Variants in DAPK2 observed in about 807,000 individuals in gnomAD.
The protein encoded by DAPK2 is death associated protein kinase 2, also known as death-associated protein kinase 2.
In DAPK2, 35 loss-of-function variants were observed where a neutral mutation model predicts 44.1. That is an observed-to-expected ratio of 0.79 (90% CI 0.61 to 1.05). The LOEUF (loss-of-function observed/expected upper bound fraction) is 1.05. Among genes scored for constraint, DAPK2 ranks in the 50% least tolerant of loss-of-function variants. DAPK2 has a pLI of 0.00. For synonymous variants in DAPK2, 174 were observed against 182.6 expected, an observed-to-expected ratio of 0.95 and a Z score of 0.38; for missense variants, 453 against 483.2, an observed-to-expected ratio of 0.94 and a Z score of 0.59.
intron 1 of DAPK2, among the ~76,000 whole-genome samples, chr15:64,009,912 AG>A (rs1324405902): frequency 2.0e-5 from 3 of 152,208 alleles, no homozygotes; most frequent in African/African-American, 7.2e-5. Context: ...AGTCATGATG[AG>A]TAACGACAAA....
chr15:63,970,358 C>T (rs2078178118), intron 3 of DAPK2, among the ~76,000 whole-genome samples: 1 of 152,154 alleles, frequency 6.6e-6, no homozygotes, highest in Non-Finnish European at 1.5e-5. Context: ...GCTGGCCTTT[C>T]TTCCTTATAA....
At chr15:63,986,668 C>T (rs895647361) in intron 1 of DAPK2, among the ~76,000 whole-genome samples, 8 of 152,162 alleles carry the variant, frequency 5.3e-5, no homozygotes, top group Admixed American at 1.3e-4. Flanking sequence ...AGCTCTATTC[C>T]GAGCAAGTAG....
In DAPK2 at chr15:63,939,379, GAAA is replaced by G. The variant is rs760256945; in HGVS notation, c.454-21_454-19del. The G allele has an allele frequency of 1.1e-5, 11 of 990,592 alleles. No homozygotes were observed. Among genetic ancestry groups the G allele is most frequent in the Non-Finnish European group, 1.3e-5 (10 of 749,474 alleles). The allele number at this position is 990,592 out of a possible 1,614,324, so 61.4% of individuals were successfully genotyped here. On this transcript the variant is annotated intron_variant, in intron 3 of 10. Coordinates refer to ENST00000261891, the Ensembl canonical transcript of DAPK2. The surrounding 1 kb of genome is among the most constrained non-coding windows in gnomAD (Gnocchi z 4.3). ...TTTTCTGGCTGGACAACAAAAAGTA[GAAA>G]AAAAAAAAAGGAAGGAAGAAAAGAA...
intron 1 of DAPK2, among the ~76,000 whole-genome samples, chr15:63,985,997 G>A (rs2078657990): frequency 6.6e-6 from 1 of 152,232 alleles, no homozygotes; most frequent in African/African-American, 2.4e-5. Context: ...TTTTGAGAGT[G>A]GGTGACTACG....
exon 1 of DAPK2, chr15:64,040,236 G>C: frequency 1.2e-6 from 2 of 1,613,912 alleles, no homozygotes; most frequent in Non-Finnish European, 1.7e-6. Flanking sequence ...CTCCATGTTT[G>C]GACTCCTCAT....
chr15:63,992,894 G>A (rs1241333402), intron 1 of DAPK2, among the ~76,000 whole-genome samples: 3 of 152,210 alleles, frequency 2.0e-5, no homozygotes, highest in Non-Finnish European at 4.4e-5. Context: ...CATAGCCTGG[G>A]CAAAGCCCAG....
At chr15:64,042,041 G>A (rs531791484), upstream of DAPK2, among the ~76,000 whole-genome samples, 6 of 152,258 alleles carry the variant, frequency 3.9e-5, no homozygotes, top group South Asian at 4.1e-4. The surrounding 1 kb of genome is among the most constrained non-coding windows in gnomAD (Gnocchi z 4.7). Context: ...CCAGACTAGC[G>A]TGAGTGTATA....
chr15:63,940,439 G>A (rs925450579), intron 3 of DAPK2, among the ~76,000 whole-genome samples: 1 of 152,034 alleles, frequency 6.6e-6, no homozygotes, highest in Admixed American at 6.6e-5. Context: ...TGCTGGGCGC[G>A]GTGGCTCATG....
At position 63,983,668 on chromosome 15, in the gene DAPK2, C is replaced by T. The variant is rs145090475; in HGVS notation, c.179G>A (p.Arg60Gln). 5.7e-3 allele frequency: 9,224 copies of T among 1,613,914 alleles called. 27 individuals carry two copies. Among genetic ancestry groups the T allele is most frequent in the Non-Finnish European group, 7.4e-3 (8,724 of 1,180,026 alleles). Residue 60 changes from arginine to glutamine, a missense_variant, in exon 2 of 11, where the codon CGG becomes CAG. Physicochemically the swap from Arg to Gln is conservative, Grantham distance 43. Coordinates refer to ENST00000261891, the Ensembl canonical transcript of DAPK2. ...CCGGCTCACACCGCGCCGGCTCGCC[C>T]GGCTCTGCCGCTTCTTGATGAACTT...
At chr15:63,921,710 A>G (rs1391872623) in intron 8 of DAPK2, 2 of 152,274 alleles carry the variant, frequency 1.3e-5, no homozygotes, top group African/African-American at 2.4e-5. Context: ...CTAGGTACAT[A>G]AGAAAAGGAA....
intron 1 of DAPK2, among the ~76,000 whole-genome samples, chr15:64,021,623 A>G (rs979059777): frequency 6.6e-6 from 1 of 152,206 alleles, no homozygotes; most frequent in Non-Finnish European, 1.5e-5. Flanking sequence ...TGGGCTCACA[A>G]TCTGGCTTGA....
At chr15:64,041,657 A>G (rs2080355974), upstream of DAPK2, among the ~76,000 whole-genome samples, 1 of 152,128 alleles carries the variant, frequency 6.6e-6, no homozygotes, top group South Asian at 2.1e-4. Context: ...CCAACCACAC[A>G]TGGGCTCCAC....
Position 63,926,223 on chromosome 15 carries a change from C to G in DAPK2, c.660-130G>C, listed in dbSNP as rs539613111. ...GGCTCCCAGCAACACAGCCTGCCCCCTCTGGGCAGCCAACCAGCAGCCTGT... is the reference window on the plus strand; with the variant it reads ...GGCTCCCAGCAACACAGCCTGCCCCGTCTGGGCAGCCAACCAGCAGCCTGT... On this transcript the variant is annotated intron_variant, in intron 6 of 10. Transcript: ENST00000261891. 48 of 975,288 alleles carry G rather than the reference C, an allele frequency of 4.9e-5. No individual in the cohort carries two copies. The South Asian group carries it at 7.6e-4, about 15-fold the overall frequency. 60.4% of individuals were successfully genotyped at this position (975,288 alleles called of 1,614,324 possible). A position where few individuals can be genotyped will look rare whatever the true frequency, so the allele number is the denominator to read the frequency against.
At chr15:63,998,428 G>A (rs2079003690) in intron 1 of DAPK2, among the ~76,000 whole-genome samples, 1 of 152,212 alleles carries the variant, frequency 6.6e-6, no homozygotes, top group Non-Finnish European at 1.5e-5. Context: ...GAGAGCCAAA[G>A]GATGGACTGT....
Position 64,037,103 on chromosome 15 carries a change from C to T in DAPK2, c.92+3067G>A, listed in dbSNP as rs191005831. 1.2e-3 allele frequency among the ~76,000 whole-genome samples: 184 copies of T among 152,270 alleles called. 1 individual carries two copies. Among genetic ancestry groups the T allele is most frequent in the African/African-American group, 4.3e-3 (180 of 41,550 alleles). ...GTTGTCTAATGTTGCACAGCTAGGA[C>T]AGGAACCCAAACCCCAACCCATGTG... On this transcript the variant is annotated intron_variant, in intron 1 of 10. Coordinates refer to ENST00000261891, the Ensembl canonical transcript of DAPK2.
chr15:63,930,224 G>A (rs967813679), intron 5 of DAPK2, among the ~76,000 whole-genome samples, 183 bp downstream of exon 6: 8 of 152,234 alleles, frequency 5.3e-5, no homozygotes, highest in African/African-American at 1.4e-4. Flanking sequence ...TCAGGTCCAG[G>A]CCTAGAGACC....
At chr15:64,046,392 A>ACGCGGCGGGCGCGGCGGGCGCGGCGGGCG (rs2080469427), upstream of DAPK2, 1 of 288,300 alleles carries the variant, frequency 3.5e-6, no homozygotes, top group African/African-American at 2.4e-5. The surrounding 1 kb of genome is among the most constrained non-coding windows in gnomAD (Gnocchi z 5.3). Flanking sequence ...CGCGGCGGGA[A>ACGCGGCGGGCGCGGCGGGCGCGGCGGGCG]CGGGGGACGC....
Position 63,912,220 on chromosome 15 carries a change from G to A in DAPK2, c.859-23C>T, listed in dbSNP as rs1247512665. ...CGGCTGAGAGACAAAGCAGAGCATG[G>A]CAGCTGATGCTGGGCTTCAGACAGC... On this transcript the variant is annotated intron_variant, in intron 8 of 10. Transcript: ENST00000261891. The surrounding 1 kb of genome is among the most constrained non-coding windows in gnomAD (Gnocchi z 4.4). 1.2e-6 allele frequency: 2 copies of A among 1,611,976 alleles called. No individual in the cohort carries two copies. The highest frequency in any genetic ancestry group is 1.3e-5 in the African/African-American group (1 of 75,018).
At chr15:64,033,094 A>G (rs978770271) in intron 1 of DAPK2, among the ~76,000 whole-genome samples, 11 of 151,638 alleles carry the variant, frequency 7.3e-5, no homozygotes, top group Admixed American at 3.3e-4. Flanking sequence ...TCAAAAATAA[A>G]TAAGTAAATA....
Sources: gnomAD v4.1 joint callset for allele counts (sites outside exome capture counted in the v4.1 genomes callset) on GRCh38, gnomAD v4.1.1 for gene constraint, Gnocchi (gnomAD v3.1) non-coding constraint, MANE v1.5 for transcripts, NCBI Gene and HGNC (gene_info 2026-07-23, HGNC 2026-07-21) for gene names.